The following MAF variants were observed in gnomAD, a reference collection of about 807,000 sequenced individuals.
The protein encoded by MAF is transcription factor Maf.
In MAF, 10 loss-of-function variants were observed where a neutral mutation model predicts 22.0. The observed-to-expected ratio is 0.45, with a 90% CI of 0.28 to 0.77. The LOEUF (loss-of-function observed/expected upper bound fraction) is 0.77, where lower values mean the gene tolerates loss of function less well. Ranked by LOEUF, MAF falls within the 30% of genes least tolerant of loss-of-function variation. The pLI is 0.12. For synonymous variants in MAF, 337 were observed against 255.8 expected (o/e 1.32, Z -3.03); for missense variants, 544 against 548.4 (o/e 0.99, Z 0.08).
chr16:79,355,966 T>C, the MAF span, among the ~76,000 whole-genome samples: 46 of 152,144 alleles, frequency 3.0e-4, no homozygotes, highest in Admixed American at 2.9e-3. Context: ...CTAATGTCTC[T>C]AGGGAATTCT....
the MAF span, among the ~76,000 whole-genome samples, chr16:79,217,687 T>C: frequency 1.3e-5 from 2 of 152,052 alleles, no homozygotes; most frequent in African/African-American, 4.8e-5. Flanking sequence ...AGTCCCTCTC[T>C]CTCCCTAAGT....
chr16:79,312,948 A>C, the MAF span, among the ~76,000 whole-genome samples: 1 of 152,188 alleles, frequency 6.6e-6, no homozygotes, highest in Non-Finnish European at 1.5e-5. Flanking sequence ...TCATCGGCCC[A>C]GTTTAGGATG....
chr16:79,524,484 T>C, the MAF span, among the ~76,000 whole-genome samples: 3 of 152,344 alleles, frequency 2.0e-5, no homozygotes, highest in African/African-American at 7.2e-5. Context: ...ATCCCAAAGG[T>C]TAAAGTTGGC....
chr16:79,299,299 G>A, the MAF span, among the ~76,000 whole-genome samples: 2 of 148,960 alleles, frequency 1.3e-5, no homozygotes, highest in East Asian at 2.0e-4. Context: ...CGCATTGTCT[G>A]CCAGGCTTAG....
downstream of MAF, among the ~76,000 whole-genome samples, chr16:79,592,518 C>A (rs1913247649): frequency 6.6e-6 from 1 of 152,214 alleles, no homozygotes; most frequent in Non-Finnish European, 1.5e-5. Flanking sequence ...CGCTTTTAAG[C>A]AAATGCTTCA....
the MAF span, among the ~76,000 whole-genome samples, chr16:79,275,018 T>A: frequency 6.6e-6 from 1 of 152,206 alleles, no homozygotes; most frequent in South Asian, 2.1e-4. Context: ...GAGTTTCTGA[T>A]ATACAGAATG....
the MAF span, among the ~76,000 whole-genome samples, chr16:79,238,038 CCATT>C: frequency 1.3e-5 from 2 of 152,032 alleles, no homozygotes; most frequent in Admixed American, 1.3e-4. Context: ...GATTTTGCTC[CCATT>C]CAATTTCTCC....
downstream of MAF, among the ~76,000 whole-genome samples, chr16:79,590,224 G>A (rs1241260913): frequency 6.6e-6 from 1 of 152,110 alleles, no homozygotes; most frequent in Non-Finnish European, 1.5e-5. Context: ...GGATGATGGG[G>A]GGGCATGGAG....
the MAF span, among the ~76,000 whole-genome samples, chr16:79,220,032 G>T: frequency 6.6e-6 from 1 of 152,084 alleles, no homozygotes; most frequent in East Asian, 1.9e-4. Flanking sequence ...AAGGTGGGCA[G>T]ATCACCTGAG....
chr16:79,377,922 T>C, the MAF span, among the ~76,000 whole-genome samples: 1 of 152,200 alleles, frequency 6.6e-6, no homozygotes, highest in Non-Finnish European at 1.5e-5. Context: ...GCTGTTTTGG[T>C]TACTGTAAAC....
the MAF span, among the ~76,000 whole-genome samples, chr16:79,235,534 C>CT: frequency 8.0e-5 from 12 of 150,252 alleles, no homozygotes; most frequent in African/African-American, 2.9e-4. Flanking sequence ...CACACTGTCT[C>CT]TAAAAAAAAC....
chr16:79,587,917 G>C (rs1409285183), intron 1 of MAF, among the ~76,000 whole-genome samples: 1 of 149,864 alleles, frequency 6.7e-6, no homozygotes, highest in Non-Finnish European at 1.5e-5. Flanking sequence ...GCGTCCAAAA[G>C]CCATTGCAGT....
At chr16:79,583,332 C>G (rs768170734), downstream of MAF, among the ~76,000 whole-genome samples, 1 of 152,154 alleles carries the variant, frequency 6.6e-6, no homozygotes, top group Non-Finnish European at 1.5e-5. Context: ...TCAGGGTAAA[C>G]GATGTCCACT....
chr16:79,520,398 T>G, the MAF span, among the ~76,000 whole-genome samples: 5 of 152,182 alleles, frequency 3.3e-5, no homozygotes, highest in Admixed American at 3.3e-4. Context: ...CACCAGGAGC[T>G]GGCCCCATGG....
At chr16:79,291,599 T>C in the MAF span, among the ~76,000 whole-genome samples, 1 of 151,536 alleles carries the variant, frequency 6.6e-6, no homozygotes, top group East Asian at 1.9e-4. Flanking sequence ...AGTTCTGTTT[T>C]CCAGACTCTA....
chr16:79,501,971 G>A, the MAF span, among the ~76,000 whole-genome samples: 1 of 152,196 alleles, frequency 6.6e-6, no homozygotes, highest in African/African-American at 2.4e-5. Context: ...AAGTGGCTGT[G>A]AGGTATTATT....
At chr16:79,418,531 G>A in the MAF span, among the ~76,000 whole-genome samples, 2 of 152,140 alleles carry the variant, frequency 1.3e-5, no homozygotes, top group African/African-American at 4.8e-5. Flanking sequence ...CCCGTGGTGA[G>A]GGGGCAAAGG....
chr16:79,314,641 C>A, the MAF span, among the ~76,000 whole-genome samples: 3 of 152,206 alleles, frequency 2.0e-5, no homozygotes, highest in Non-Finnish European at 4.4e-5. Flanking sequence ...GGAATCTTAG[C>A]TGGAGCAAAT....
At chr16:79,236,109 T>C in the MAF span, among the ~76,000 whole-genome samples, 1 of 152,154 alleles carries the variant, frequency 6.6e-6, no homozygotes, top group South Asian at 2.1e-4. Flanking sequence ...TGGAGTGGGC[T>C]TCCACAGCTA....
Sources: gnomAD v4.1 joint callset for allele counts (sites outside exome capture counted in the v4.1 genomes callset) on GRCh38, gnomAD v4.1.1 for gene constraint, MANE v1.5 for transcripts, NCBI Gene and HGNC (gene_info 2026-07-23, HGNC 2026-07-21) for gene names.